Variants in DPP6 observed in about 807,000 individuals in gnomAD.
DPP6 encodes dipeptidyl peptidase like 6.
A neutral mutation model predicts 122.6 loss-of-function variants in DPP6; 69 were observed. The ratio of observed to expected loss-of-function variants is 0.56; its 90% CI spans 0.46 to 0.69. The LOEUF (loss-of-function observed/expected upper bound fraction) is 0.69. Ranked by LOEUF, DPP6 falls within the 30% of genes least tolerant of loss-of-function variation. DPP6 has a pLI of 0.00. For synonymous variants in DPP6, 418 were observed against 433.1 expected (o/e 0.97, Z 0.43); for missense variants, 928 against 1,116.9 (o/e 0.83, Z 2.41).
chr7:154,437,098 G>A (rs1818937524), intron 1 of DPP6, among the ~76,000 whole-genome samples: 1 of 152,158 alleles, frequency 6.6e-6, no homozygotes, highest in African/African-American at 2.4e-5. Context: ...CCTGGTACCT[G>A]TGACTATGTT....
intron 4 of DPP6, among the ~76,000 whole-genome samples, chr7:154,561,474 G>T (rs1419807128): frequency 6.6e-6 from 1 of 152,196 alleles, no homozygotes; most frequent in East Asian, 1.9e-4. Flanking sequence ...ATTGGAAATT[G>T]AACAACATAT....
chr7:154,796,908 G>C (rs1798081598), intron 12 of DPP6, among the ~76,000 whole-genome samples: 1 of 152,202 alleles, frequency 6.6e-6, no homozygotes, highest in Non-Finnish European at 1.5e-5. Flanking sequence ...TTCACAAGAG[G>C]AATGGTTCCA....
chr7:154,365,532 A>G (rs1052282946), intron 1 of DPP6, among the ~76,000 whole-genome samples: 2 of 152,216 alleles, frequency 1.3e-5, no homozygotes, highest in African/African-American at 4.8e-5. Flanking sequence ...TATGAGGTTC[A>G]GATCACACTG....
intron 6 of DPP6, among the ~76,000 whole-genome samples, chr7:154,644,909 C>T (rs1387183): frequency 0.22 from 32,827 of 151,912 alleles, 4,032 homozygotes; most frequent in Admixed American, 0.28. Flanking sequence ...CGACGTTTCA[C>T]TGTCTTGCTC....
chr7:154,304,678 A>AT (rs1158120192), intron 1 of DPP6, among the ~76,000 whole-genome samples: 1 of 151,420 alleles, frequency 6.6e-6, no homozygotes, highest in East Asian at 1.9e-4. Flanking sequence ...ACGATGGAAC[A>AT]TAAGTTTTCT....
At chr7:153,880,011 T>G in the DPP6 span, among the ~76,000 whole-genome samples, 2 of 152,214 alleles carry the variant, frequency 1.3e-5, no homozygotes, top group Non-Finnish European at 1.5e-5. Flanking sequence ...TACAGATTTT[T>G]GACTTATTTA....
chr7:154,318,991 G>A (rs943686964), intron 1 of DPP6, among the ~76,000 whole-genome samples: 2 of 152,224 alleles, frequency 1.3e-5, no homozygotes, highest in Non-Finnish European at 2.9e-5. Flanking sequence ...TTCTGGTTTA[G>A]AGTGTGTTGG....
the DPP6 span, among the ~76,000 whole-genome samples, chr7:153,859,815 G>A: frequency 6.6e-6 from 1 of 152,212 alleles, no homozygotes; most frequent in Non-Finnish European, 1.5e-5. Context: ...GAGAGAATGA[G>A]TGTAGGCAGA....
intron 1 of DPP6, among the ~76,000 whole-genome samples, chr7:154,340,043 A>T (rs1034643784): frequency 6.6e-6 from 1 of 152,188 alleles, no homozygotes; most frequent in East Asian, 1.9e-4. Context: ...ACTGCACTCC[A>T]GCCTGGGTGA....
chr7:154,216,300 A>G (rs928453721), intron 1 of DPP6, among the ~76,000 whole-genome samples: 13 of 152,218 alleles, frequency 8.5e-5, no homozygotes, highest in African/African-American at 3.1e-4. Flanking sequence ...TTTGGCAATG[A>G]CAGATCTTAC....
chr7:154,303,570 G>A (rs946734263), intron 1 of DPP6, among the ~76,000 whole-genome samples: 2 of 152,100 alleles, frequency 1.3e-5, no homozygotes, highest in African/African-American at 4.8e-5. Flanking sequence ...AGGAGGCAGG[G>A]TCACAAAGAC....
At chr7:154,295,973 C>A (rs533541056) in intron 1 of DPP6, among the ~76,000 whole-genome samples, 21 of 139,466 alleles carry the variant, frequency 1.5e-4, no homozygotes, top group Non-Finnish European at 2.7e-4. Flanking sequence ...GAGACAGAGT[C>A]TCTCTCTGTC....
chr7:154,474,806 A>G (rs1472252328), intron 2 of DPP6, 133 bp from the exon 3 acceptor site: 2 of 635,300 alleles, frequency 3.1e-6, no homozygotes, highest in Admixed American at 5.6e-5. Flanking sequence ...ACTGGCTTTT[A>G]TCCCCATTCA....
intron 4 of DPP6, among the ~76,000 whole-genome samples, chr7:154,558,600 T>C (rs1481285184): frequency 6.6e-6 from 1 of 152,230 alleles, no homozygotes; most frequent in East Asian, 1.9e-4. Context: ...TATACAAAAA[T>C]TACCGCTGTG....
chr7:154,719,804 A>G (rs1841700447), intron 7 of DPP6, among the ~76,000 whole-genome samples: 1 of 152,276 alleles, frequency 6.6e-6, no homozygotes, highest in Middle Eastern at 3.4e-3. Context: ...TGGGAAACGG[A>G]GTCTTCTGAG....
intron 1 of DPP6, among the ~76,000 whole-genome samples, chr7:153,910,234 C>CTT (rs111816561): frequency 1.8e-4 from 25 of 137,750 alleles, no homozygotes; most frequent in Middle Eastern, 3.8e-3. Flanking sequence ...TTCTTTCTTT[C>CTT]TTTTTTTTTT....
intron 9 of DPP6, 123 bp downstream of exon 9, chr7:154,769,694 A>G: frequency 7.8e-7 from 1 of 1,277,754 alleles, no homozygotes; most frequent in South Asian, 2.2e-5. Flanking sequence ...AACACAAGAA[A>G]GACTAATCAT....
intron 1 of DPP6, among the ~76,000 whole-genome samples, chr7:154,222,636 CAA>C (rs1473933337): frequency 1.3e-5 from 2 of 149,330 alleles, no homozygotes; most frequent in East Asian, 3.9e-4. Context: ...GCCTGGGCAA[CAA>C]GAGTGAAACT....
chr7:154,244,493 A>G (rs561938937), intron 1 of DPP6, among the ~76,000 whole-genome samples: 5 of 152,264 alleles, frequency 3.3e-5, no homozygotes, highest in Admixed American at 1.3e-4. Flanking sequence ...TAGAAAATCT[A>G]TGTGTGTTTG....
Sources: allele counts gnomAD v4.1 joint callset (sites outside exome capture counted in the v4.1 genomes callset), GRCh38; gene constraint gnomAD v4.1.1; transcripts MANE v1.5; gene names NCBI Gene and HGNC (gene_info 2026-07-23, HGNC 2026-07-21).